KSR2: variants seen among roughly 807,000 people sequenced by gnomAD.
KSR2 encodes kinase suppressor of ras 2.
In KSR2, 25 loss-of-function variants were observed where a neutral mutation model predicts 107.8. The ratio of observed to expected loss-of-function variants is 0.23; its 90% confidence interval spans 0.17 to 0.32. The LOEUF is 0.32. Ranked by LOEUF, KSR2 falls within the 10% of genes least tolerant of loss-of-function variation. The pLI is 1.00. For synonymous variants in KSR2, 480 were observed against 507.0 expected (o/e 0.95, Z 0.71); for missense variants, 887 against 1,268.9 (o/e 0.70, Z 4.57).
intron 4 of KSR2, among the ~76,000 whole-genome samples, chr12:117,692,155 C>T (rs1199194518): frequency 1.3e-5 from 2 of 151,918 alleles, no homozygotes; most frequent in African/African-American, 2.4e-5. Flanking sequence ...CACGAAGAGA[C>T]GGTTCTCCGA....
At chr12:117,594,449 A>T (rs996528843) in intron 5 of KSR2, among the ~76,000 whole-genome samples, 1 of 152,170 alleles carries the variant, frequency 6.6e-6, no homozygotes, top group Non-Finnish European at 1.5e-5. Flanking sequence ...CAGCCTCGTG[A>T]TAAATAATAT....
At chr12:117,694,375 A>G (rs559817606) in intron 4 of KSR2, among the ~76,000 whole-genome samples, 8 of 152,298 alleles carry the variant, frequency 5.3e-5, no homozygotes, top group African/African-American at 1.9e-4. Flanking sequence ...CTTGCCTGCC[A>G]CCATGTAAGA....
intron 9 of KSR2, among the ~76,000 whole-genome samples, chr12:117,541,612 T>A (rs999950714): frequency 6.6e-6 from 1 of 152,166 alleles, no homozygotes; most frequent in Non-Finnish European, 1.5e-5. Flanking sequence ...TACTCAGAGG[T>A]CCACTACTCA....
chr12:117,454,055 T>C lies in KSR2; in HGVS notation c.*13144A>G, dbSNP rs1319883042. On this transcript the variant is annotated 3_prime_UTR_variant, in exon 20 of 20. Transcript: ENST00000339824. ...ATGGGTAACACCCACCACCTCGCTA[T>C]TCTAGTCCCTTATTTTTCAGGAATG... is the stretch of plus-strand genomic sequence containing the variant. The C allele has an allele frequency of 6.6e-6, 1 of 152,216 alleles. No individual in the cohort carries two copies. The highest frequency in any genetic ancestry group is 1.5e-5 in the Non-Finnish European group (1 of 68,026). The allele number at this position is 152,216 out of a possible 1,614,324, so 9.4% of individuals were successfully genotyped here.
At chr12:117,932,034 A>T (rs1462273652) in intron 1 of KSR2, among the ~76,000 whole-genome samples, 1 of 152,054 alleles carries the variant, frequency 6.6e-6, no homozygotes, top group Non-Finnish European at 1.5e-5. Flanking sequence ...TGCCTGTAAT[A>T]CCAGCACTTT....
chr12:117,472,712 A>G (rs186909168), intron 17 of KSR2, among the ~76,000 whole-genome samples: 1 of 152,306 alleles, frequency 6.6e-6, no homozygotes, highest in Admixed American at 6.5e-5. Context: ...GTCAAGTTAG[A>G]TGATCAGAAA....
At chr12:117,531,811 C>A (rs1239321292) in intron 10 of KSR2, 104 bp from the exon 11 acceptor site, 2 of 761,642 alleles carry the variant, frequency 2.6e-6, no homozygotes, top group East Asian at 2.9e-5. Flanking sequence ...CTCTGCCCAC[C>A]TTCAAGAGTT....
At chr12:117,500,123 A>G (rs1380463268) in intron 14 of KSR2, among the ~76,000 whole-genome samples, 3 of 152,184 alleles carry the variant, frequency 2.0e-5, no homozygotes, top group Non-Finnish European at 2.9e-5. Context: ...GCCATGGTGT[A>G]AGACATCACG....
chr12:117,746,657 G>A (rs73215919), intron 4 of KSR2, among the ~76,000 whole-genome samples: 21,687 of 152,002 alleles, frequency 0.14, 1,622 homozygotes, highest in Middle Eastern at 0.22. Flanking sequence ...GCTACAGAAT[G>A]GGAGAACATT....
intron 3 of KSR2, among the ~76,000 whole-genome samples, chr12:117,793,625 G>A (rs963237610): frequency 7.3e-6 from 1 of 136,128 alleles, no homozygotes; most frequent in Non-Finnish European, 1.6e-5. Context: ...ACACCAACAT[G>A]CACACTTATC....
chr12:117,506,334 C>T (rs980319285), intron 14 of KSR2, among the ~76,000 whole-genome samples: 1 of 152,172 alleles, frequency 6.6e-6, no homozygotes, highest in Non-Finnish European at 1.5e-5. Flanking sequence ...ATTGGTTCTC[C>T]ATATTATATG....
chr12:117,913,454 C>T (rs1002326974), intron 1 of KSR2, among the ~76,000 whole-genome samples: 7 of 151,996 alleles, frequency 4.6e-5, no homozygotes, highest in Non-Finnish European at 8.8e-5. Context: ...AAACTCAGAA[C>T]GTAACTTTAT....
chr12:117,634,764 G>C (rs1046824480), intron 5 of KSR2, among the ~76,000 whole-genome samples: 3 of 152,156 alleles, frequency 2.0e-5, no homozygotes, highest in African/African-American at 7.2e-5. Context: ...GGTTACTTCC[G>C]AGTAGATGAT....
intron 4 of KSR2, among the ~76,000 whole-genome samples, chr12:117,670,813 C>T (rs34834159): frequency 0.046 from 7,070 of 152,248 alleles, 227 homozygotes; most frequent in Non-Finnish European, 0.067. Flanking sequence ...GTGGCCCCCA[C>T]GGAACGGCAA....
rs557857542 is a variant in KSR2, at chr12:117,696,604, T to C, written c.987-28946A>G. Among the ~76,000 whole-genome samples, 4 of 152,268 alleles carry C rather than the reference T, an allele frequency of 2.6e-5. No homozygotes were observed. The East Asian group carries it at 7.7e-4, about 29-fold the overall frequency. On this transcript the variant is annotated intron_variant, in intron 4 of 19. Transcript: ENST00000339824. The stretch of plus-strand genomic sequence containing the variant: ...CAGCTCTGTGGCTGACCAGCTGTGA[T>C]ATTTTAGTGATGTTAATCTTTCTTG...
At chr12:117,956,875 T>C (rs1384856837) in intron 1 of KSR2, among the ~76,000 whole-genome samples, 1 of 152,250 alleles carries the variant, frequency 6.6e-6, no homozygotes, top group East Asian at 1.9e-4. Context: ...AATGGCCACA[T>C]GTGGCAAGTG....
intron 4 of KSR2, among the ~76,000 whole-genome samples, chr12:117,743,729 T>C (rs1161877086): frequency 6.6e-6 from 1 of 152,184 alleles, no homozygotes; most frequent in Non-Finnish European, 1.5e-5. Context: ...CCCTGAACTT[T>C]TACACTCTCC....
At chr12:117,771,692 T>C (rs1889455983) in intron 3 of KSR2, among the ~76,000 whole-genome samples, 1 of 152,132 alleles carries the variant, frequency 6.6e-6, no homozygotes, top group East Asian at 1.9e-4. Flanking sequence ...GAAACTGTAA[T>C]GTTATCAACA....
At chr12:117,685,628 T>C (rs930357326) in intron 4 of KSR2, among the ~76,000 whole-genome samples, 7 of 152,284 alleles carry the variant, frequency 4.6e-5, no homozygotes, top group African/African-American at 1.7e-4. Flanking sequence ...CAGGGAGTCA[T>C]TTGACTCACA....
Sources: gnomAD v4.1 joint callset for allele counts (sites outside exome capture counted in the v4.1 genomes callset) on GRCh38, gnomAD v4.1.1 for gene constraint, MANE v1.5 for transcripts, NCBI Gene and HGNC (gene_info 2026-07-23, HGNC 2026-07-21) for gene names.